CBX5: variants seen among roughly 807,000 people sequenced by gnomAD.
CBX5 encodes chromobox protein homolog 5.
CBX5 carries 7 observed loss-of-function variants against 20.7 expected under a neutral mutation model. That is an observed-to-expected ratio of 0.34 (90% CI 0.19 to 0.63). The LOEUF (loss-of-function observed/expected upper bound fraction) is 0.63. CBX5 is among the 30% of genes least tolerant of loss of function. The pLI, the probability that CBX5 is intolerant of heterozygous loss-of-function variation, is 0.75. For synonymous variants in CBX5, 78 were observed against 77.0 expected (o/e 1.01, Z -0.07); for missense variants, 110 against 224.1 (o/e 0.49, Z 3.25).
At chr12:54,243,739 C>T (rs187112259) in intron 4 of CBX5, among the ~76,000 whole-genome samples, 2 of 151,610 alleles carry the variant, frequency 1.3e-5, no homozygotes, top group African/African-American at 4.8e-5. Flanking sequence ...TGTGGTGGCA[C>T]ATGCCTATAA....
chr12:54,264,652 G>A (rs957365029), intron 1 of CBX5, among the ~76,000 whole-genome samples: 3 of 152,074 alleles, frequency 2.0e-5, no homozygotes, highest in African/African-American at 7.2e-5. Context: ...AGACCAGGCT[G>A]GCCAACATGG....
chr12:54,268,268 A>T (rs773062411), intron 1 of CBX5, among the ~76,000 whole-genome samples: 4 of 152,224 alleles, frequency 2.6e-5, no homozygotes, highest in Non-Finnish European at 5.9e-5. Context: ...GGGTGATGAC[A>T]GGAGAAACAA....
chr12:54,274,205 C>T (rs1328793498), intron 1 of CBX5: 4 of 152,200 alleles, frequency 2.6e-5, no homozygotes, highest in Admixed American at 2.6e-4. Flanking sequence ...GTAAAGCTGT[C>T]ATCAGAAATG....
chr12:54,254,040 C>T (rs1162090992), intron 2 of CBX5, among the ~76,000 whole-genome samples: 2 of 151,938 alleles, frequency 1.3e-5, no homozygotes, highest in African/African-American at 4.8e-5. Flanking sequence ...TGTGAGCCAC[C>T]GCATCTAGCC....
At chr12:54,278,409 A>T (rs2137035636) in intron 1 of CBX5, among the ~76,000 whole-genome samples, 1 of 152,346 alleles carries the variant, frequency 6.6e-6, no homozygotes, top group Non-Finnish European at 1.5e-5. Flanking sequence ...CCAGGTATAA[A>T]TTATAGGTTT....
At chr12:54,259,985 T>C (rs759932034) in intron 1 of CBX5, among the ~76,000 whole-genome samples, 3 of 152,026 alleles carry the variant, frequency 2.0e-5, no homozygotes, top group Non-Finnish European at 2.9e-5. Context: ...CCAGAGCACT[T>C]TGGGCAATCC....
chr12:54,254,992 G>T (rs919922947), intron 2 of CBX5, among the ~76,000 whole-genome samples: 1 of 152,130 alleles, frequency 6.6e-6, no homozygotes, highest in African/African-American at 2.4e-5. Context: ...TACACAAGCC[G>T]AATACACTTG....
rs1281891035 is a variant in CBX5, at chr12:54,241,388, A to C, written c.*367T>G. ...AGAAACCAAAATTCAACATCATTGT[A>C]ACAAAATCCCCCAACCTAAAAAGCG... is the stretch of plus-strand genomic sequence containing the variant. On this transcript the variant is annotated 3_prime_UTR_variant, in exon 5 of 5. Coordinates refer to ENST00000209875, the MANE Select transcript of CBX5 (RefSeq NM_012117.3). The C allele has an allele frequency of 6.1e-6, 1 of 164,472 alleles. No individual in the cohort carries two copies. The highest frequency in any genetic ancestry group is 1.3e-5 in the Non-Finnish European group (1 of 76,520). The allele number at this position is 164,472 out of a possible 1,614,324, so 10.2% of individuals were successfully genotyped here.
intron 1 of CBX5, among the ~76,000 whole-genome samples, chr12:54,266,991 G>A (rs1391162395): frequency 6.6e-6 from 1 of 152,180 alleles, no homozygotes; most frequent in East Asian, 1.9e-4. Context: ...TGAGAAAGCA[G>A]AATTTGGCAC....
chr12:54,244,597 G>T (rs1040204942), intron 4 of CBX5, among the ~76,000 whole-genome samples: 1 of 151,868 alleles, frequency 6.6e-6, no homozygotes, highest in African/African-American at 2.4e-5. Flanking sequence ...AATTAGCCAG[G>T]CATGGTGGTA....
intron 3 of CBX5, among the ~76,000 whole-genome samples, chr12:54,247,840 ATT>A (rs1175819369): frequency 3.0e-4 from 41 of 137,748 alleles, no homozygotes; most frequent in Admixed American, 3.7e-4. Context: ...CCCCTGGCTA[ATT>A]TTTTTTTTTT....
intron 1 of CBX5, chr12:54,273,911 T>C (rs968583913): frequency 6.6e-6 from 1 of 152,196 alleles, no homozygotes; most frequent in Non-Finnish European, 1.5e-5. Flanking sequence ...AGTGGACATA[T>C]ATAAAACATT....
chr12:54,249,695 G>A (rs1371943870), intron 3 of CBX5, among the ~76,000 whole-genome samples: 3 of 152,122 alleles, frequency 2.0e-5, no homozygotes, highest in African/African-American at 7.2e-5. Context: ...GGTAGAGTGT[G>A]TGTATTTATG....
Position 54,252,233 on chromosome 12 carries a change from T to A in CBX5, c.138-6A>T, listed in dbSNP as rs1319844124. ...GTTCCCAAGTATTGTGCTCCCTGGG[T>A]AAGAAAAATGGGAAAATTAAAAAAA... On this transcript the variant is annotated splice_region_variant and splice_polypyrimidine_tract_variant and intron_variant, in intron 2 of 4. Coordinates refer to ENST00000209875, the MANE Select transcript of CBX5 (RefSeq NM_012117.3). 3 of 1,363,086 alleles carry A rather than the reference T, an allele frequency of 2.2e-6. No individual in the cohort carries two copies. Among genetic ancestry groups the A allele is most frequent in the Admixed American group, 2.5e-5 (1 of 40,656 alleles). 84.4% of individuals were successfully genotyped at this position (1,363,086 alleles called of 1,614,324 possible).
chr12:54,269,294 T>C (rs561625091), intron 1 of CBX5, among the ~76,000 whole-genome samples: 3 of 152,276 alleles, frequency 2.0e-5, no homozygotes, highest in African/African-American at 4.8e-5. Context: ...GTTTTAAGCG[T>C]TCCTGCTTCT....
chr12:54,279,659 G>A (rs2137036945), intron 1 of CBX5, among the ~76,000 whole-genome samples: 1 of 152,196 alleles, frequency 6.6e-6, no homozygotes, highest in East Asian at 1.9e-4. Context: ...CTGCCTCCTG[G>A]AGAAGCCCAA....
intron 1 of CBX5, among the ~76,000 whole-genome samples, chr12:54,261,986 A>C (rs920168584): frequency 2.6e-5 from 4 of 152,220 alleles, no homozygotes; most frequent in Admixed American, 2.6e-4. Flanking sequence ...TAAGCTAGTA[A>C]ACCATATCAC....
At chr12:54,275,892 G>A (rs1290922605) in intron 1 of CBX5, among the ~76,000 whole-genome samples, 1 of 151,340 alleles carries the variant, frequency 6.6e-6, no homozygotes, top group Non-Finnish European at 1.5e-5. Flanking sequence ...CAGGAGGCTG[G>A]AGCAGGAGAA....
intron 4 of CBX5, among the ~76,000 whole-genome samples, chr12:54,244,966 C>A (rs1452277597): frequency 6.6e-6 from 1 of 151,756 alleles, no homozygotes; most frequent in Non-Finnish European, 1.5e-5. Flanking sequence ...TAATTCAGAA[C>A]TGTGTAAACA....
Sources: gnomAD v4.1 joint callset for allele counts (sites outside exome capture counted in the v4.1 genomes callset) on GRCh38, gnomAD v4.1.1 for gene constraint, MANE v1.5 for transcripts, NCBI Gene and HGNC (gene_info 2026-07-23, HGNC 2026-07-21) for gene names.